Variants in SARS1 observed in about 807,000 individuals in gnomAD.
The protein encoded by SARS1 is serine--tRNA ligase, cytoplasmic.
SARS1 carries 25 observed loss-of-function variants against 63.7 expected under a neutral mutation model. The observed-to-expected ratio is 0.39, with a 90% CI of 0.29 to 0.55. The LOEUF is 0.55. Among genes scored for constraint, SARS1 ranks in the 20% least tolerant of loss-of-function variants. The pLI, the probability that SARS1 is intolerant of heterozygous loss-of-function variation, is 0.62. For synonymous variants in SARS1, 231 were observed against 243.5 expected, an observed-to-expected ratio of 0.95 and a Z score of 0.48; for missense variants, 417 against 649.7, an observed-to-expected ratio of 0.64 and a Z score of 3.89.
chr1:109,219,262 C>CATATATATATATATATATATATAT lies in SARS1; in HGVS notation c.137-4712_137-4689dup, dbSNP rs142272817. Among the ~76,000 whole-genome samples, 333 of 76,792 alleles carry CATATATATATATATATATATATAT rather than the reference C, an allele frequency of 4.3e-3. 3 individuals are homozygous for CATATATATATATATATATATATAT. Among genetic ancestry groups the CATATATATATATATATATATATAT allele is most frequent in the South Asian group, 6.0e-3 (11 of 1,848 alleles). The allele number at this position is 76,792 out of a possible 152,430, so 50.4% of individuals were successfully genotyped here. A position where few individuals can be genotyped will look rare whatever the true frequency, so the allele number is the denominator to read the frequency against. ...GCCTGGGCGATAGAGCAAGACTCTC[C>CATATATATATATATATATATATAT]ATATATATATATATATATATATATA... On this transcript the variant is annotated intron_variant, in intron 1 of 10. Transcript: ENST00000234677.
chr1:109,235,215 T>G lies in SARS1; in HGVS notation c.753T>G (p.Ile251Met). The change falls in exon 7 of 11, where the codon ATT becomes ATG. Residue 251 changes from isoleucine to methionine, a missense_variant. By Grantham distance (10) the Ile-to-Met change is conservative. This residue lies in a region of SARS1 where 359 missense variants were observed against 529.6 expected (regional missense o/e 0.68). Transcript: ENST00000234677. The surrounding 1 kb of genome is among the most constrained non-coding windows in gnomAD (Gnocchi z 4.7). ...SQFDEELYKV[I>M]GKGSEKSDDN... is the part of the protein sequence containing the mutation. The stretch of plus-strand genomic sequence containing the variant: ...ATAGCTCCTTCCTTCCACAGGTGAT[T>G]GGCAAAGGCAGTGAAAAGTCTGATG... 3.7e-6 allele frequency: 6 copies of G among 1,613,836 alleles called. No individual in the cohort carries two copies. Among genetic ancestry groups the G allele is most frequent in the Non-Finnish European group, 5.1e-6 (6 of 1,179,722 alleles).
intron 1 of SARS1, among the ~76,000 whole-genome samples, chr1:109,222,000 ATATATATATATTTTTTTTTTTTTTTTT>A (rs1197740506): frequency 0.028 from 414 of 14,934 alleles, 25 homozygotes; most frequent in African/African-American, 0.085. Context: ...ATATATATAT[ATATATATATATTTTTTTTTTTTTTTTT>A]TTTTTTTTTT....
intron 6 of SARS1, 21 bp downstream of exon 6, chr1:109,231,807 G>T: frequency 6.7e-7 from 1 of 1,485,468 alleles, no homozygotes; most frequent in South Asian, 1.4e-5. Context: ...TGGGTCAGGT[G>T]ACAGAATGAC....
At position 109,213,918 on chromosome 1, in the gene SARS1, G is replaced by A. The variant is rs1654723348; in HGVS notation, c.-75G>A. ...AGGAAGGGCGGGTCAGCGCGCCGGC[G>A]CAGTGCGGCGGTCACAGGCTGAGTG... On this transcript the variant is annotated 5_prime_UTR_variant, in exon 1 of 11. Coordinates refer to ENST00000234677, the MANE Select transcript of SARS1 (RefSeq NM_006513.4). 2.0e-6 allele frequency: 3 copies of A among 1,485,936 alleles called. No individual in the cohort carries two copies. The highest frequency in any genetic ancestry group is 2.3e-5 in the Admixed American group (1 of 43,584). The allele number at this position is 1,485,936 out of a possible 1,614,324, so 92.0% of individuals were successfully genotyped here. A position where few individuals can be genotyped will look rare whatever the true frequency, so the allele number is the denominator to read the frequency against.
intron 1 of SARS1, among the ~76,000 whole-genome samples, chr1:109,217,942 A>T (rs1570752893): frequency 6.6e-6 from 1 of 152,236 alleles, no homozygotes; most frequent in South Asian, 2.1e-4. Context: ...CTGTAATCCC[A>T]GCACTTTGGG....
chr1:109,224,076 T>C, intron 2 of SARS1, 28 bp downstream of exon 2: 1 of 1,511,472 alleles, frequency 6.6e-7, no homozygotes, highest in Non-Finnish European at 9.2e-7. Flanking sequence ...CAAACAGCCA[T>C]GAGAACTTGA....
rs1654747891 is a variant in SARS1, at chr1:109,214,770, A to G, written c.136+642A>G. The stretch of plus-strand genomic sequence containing the variant: ...AGGGGAGTGAGGAGGCGAGCAAAAG[A>G]TTGTAATGACTGAAGCTGTTTAATT... On this transcript the variant is annotated intron_variant, in intron 1 of 10. Coordinates refer to ENST00000234677, the MANE Select transcript of SARS1 (RefSeq NM_006513.4). This position sits in a 1 kb window ranked among gnomAD's most constrained non-coding sequence, Gnocchi z 4.6. The G allele has an allele frequency of 1.0e-6, 1 of 985,458 alleles. No individual in the cohort carries two copies. Among genetic ancestry groups the G allele is most frequent in the Non-Finnish European group, 1.2e-6 (1 of 829,956 alleles). The allele number at this position is 985,458 out of a possible 1,614,324, so 61.0% of individuals were successfully genotyped here.
At position 109,230,932 on chromosome 1, in the gene SARS1, T is replaced by C. The variant is rs1655196616; in HGVS notation, c.502T>C (p.Tyr168His). 6.3e-7 allele frequency: 1 copy of C among 1,599,932 alleles called. No homozygotes were observed. Among genetic ancestry groups the C allele is most frequent in the Non-Finnish European group, 8.5e-7 (1 of 1,172,704 alleles). ...IWGDCTVRKK[Y>H]SHVDLVVMVD... ...GGGTGATTGTACAGTCAGGAAGAAG[T>C]ACTCTCATGTGGACCTGGTGGTGAT... is the stretch of plus-strand genomic sequence containing the variant. Residue 168 changes from tyrosine (Y) to histidine (H), a missense_variant, in exon 5 of 11, where the codon TAC becomes CAC. By Grantham distance (83) the Tyr-to-His change is moderately conservative. This residue lies in a region of SARS1 where 359 missense variants were observed against 529.6 expected (regional missense o/e 0.68). Coordinates refer to ENST00000234677, the MANE Select transcript of SARS1 (RefSeq NM_006513.4).
chr1:109,232,604 T>C (rs1655232034), intron 6 of SARS1, among the ~76,000 whole-genome samples: 1 of 152,162 alleles, frequency 6.6e-6, no homozygotes, highest in Non-Finnish European at 1.5e-5. Context: ...TTTCTGTTGA[T>C]GAGGTAAAAG....
In SARS1 at chr1:109,229,548, T is replaced by A. The variant is rs764818553; in HGVS notation, c.423T>A (p.Pro141=). ...GAGAGATTGGGAACCTTCTGCACCCTTCTGTACCCATCAGTAACGATGAGG... is the reference window on the plus strand; with the variant it reads ...GAGAGATTGGGAACCTTCTGCACCCATCTGTACCCATCAGTAACGATGAGG... ...NLREIGNLLH[P]SVPISNDEDV... The change falls in exon 4 of 11, where the codon CCT becomes CCA. Residue 141 remains proline, a synonymous_variant. Coordinates refer to ENST00000234677, the MANE Select transcript of SARS1 (RefSeq NM_006513.4). 1.9e-6 allele frequency: 3 copies of A among 1,613,180 alleles called. No individual in the cohort carries two copies. In the South Asian group the frequency reaches 3.3e-5, roughly 18 times the overall value.
chr1:109,213,979 C>A lies in SARS1; in HGVS notation c.-14C>A. The A allele has an allele frequency of 6.2e-7, 1 of 1,604,714 alleles. No homozygotes were observed. Among genetic ancestry groups the A allele is most frequent in the South Asian group, 1.1e-5 (1 of 90,290 alleles). ...ATCCTTGCTTCCCTGAGCGTTGGCC[C>A]GGGAGGAAAGAAGATGGTGCTGGAT... On this transcript the variant is annotated 5_prime_UTR_variant, in exon 1 of 11. Transcript: ENST00000234677.
intron 1 of SARS1, chr1:109,215,465 A>G: frequency 1.0e-6 from 1 of 985,364 alleles, no homozygotes; most frequent in Non-Finnish European, 1.2e-6. Flanking sequence ...CTTCAGGGAC[A>G]AGGATTCAAT....
At chr1:109,223,423 A>G (rs1272506624) in intron 1 of SARS1, among the ~76,000 whole-genome samples, 1 of 152,232 alleles carries the variant, frequency 6.6e-6, no homozygotes, top group Non-Finnish European at 1.5e-5. Flanking sequence ...ACAGGTTATG[A>G]TACTTTTTAA....
chr1:109,216,892 G>C (rs1654802092), intron 1 of SARS1: 13 of 981,098 alleles, frequency 1.3e-5, no homozygotes, highest in Non-Finnish European at 1.6e-5. Context: ...CAAAGTGTTG[G>C]GATTACAGGC....
At chr1:109,224,299 A>G (rs1655021063) in intron 2 of SARS1, among the ~76,000 whole-genome samples, 1 of 152,140 alleles carries the variant, frequency 6.6e-6, no homozygotes. Flanking sequence ...TTTGTTGTCT[A>G]TTCTGTTCTT....
chr1:109,228,490 C>T (rs1358925433), intron 3 of SARS1, 58 bp downstream of exon 3: 5 of 1,236,384 alleles, frequency 4.0e-6, no homozygotes, highest in Non-Finnish European at 5.9e-6. Flanking sequence ...AATTTTATTC[C>T]TAGACAGCAA....
intron 1 of SARS1, among the ~76,000 whole-genome samples, chr1:109,221,960 T>TTTTTTTTTGTGTGTG (rs771565091): frequency 9.9e-5 from 1 of 10,060 alleles, no homozygotes; most frequent in African/African-American, 1.5e-4. Flanking sequence ...GCTAATTTTT[T>TTTTTTTTTGTGTGTG]TGTGTGTGTG....
Position 109,219,803 on chromosome 1 carries a change from G to A in SARS1, c.137-4175G>A, listed in dbSNP as rs529940040. On this transcript the variant is annotated intron_variant, in intron 1 of 10. Coordinates refer to ENST00000234677, the MANE Select transcript of SARS1 (RefSeq NM_006513.4). ...GCTGGGATTACAGGCATGAGCCACC[G>A]CGCCCGGCATGGCTTCTTTCTTTCA... Among the ~76,000 whole-genome samples the A allele has an allele frequency of 3.4e-4, 51 of 152,218 alleles. No individual in the cohort carries two copies. The South Asian group carries it at 8.7e-3, about 26-fold the overall frequency.
chr1:109,229,038 T>C (rs1038318932), intron 3 of SARS1, among the ~76,000 whole-genome samples: 1 of 152,172 alleles, frequency 6.6e-6, no homozygotes, highest in East Asian at 1.9e-4. Context: ...TAGAGAACAG[T>C]TGAATGCAGC....
Sources: allele counts gnomAD v4.1 joint callset (sites outside exome capture counted in the v4.1 genomes callset), GRCh38; gene constraint gnomAD v4.1.1; regional missense constraint gnomAD v4.1.1; non-coding constraint Gnocchi (gnomAD v3.1); transcripts MANE v1.5; gene names NCBI Gene and HGNC (gene_info 2026-07-23, HGNC 2026-07-21).